FKBP1A: variants seen among roughly 807,000 people sequenced by gnomAD.
The protein encoded by FKBP1A is peptidyl-prolyl cis-trans isomerase FKBP1A.
In FKBP1A, 5 loss-of-function variants were observed where a neutral mutation model predicts 14.2. The observed-to-expected ratio is 0.35, with a 90% CI of 0.18 to 0.74. The LOEUF (loss-of-function observed/expected upper bound fraction) is 0.74, where lower values mean the gene tolerates loss of function less well. Among genes scored for constraint, FKBP1A ranks in the 30% least tolerant of loss-of-function variants. FKBP1A has a pLI of 0.56. For missense variants in FKBP1A, 53 were observed against 138.8 expected (o/e 0.38, Z 3.10); for synonymous variants, 42 against 49.1 (o/e 0.86, Z 0.60).
chr20:1,372,959 A>T (rs1210739642), intron 3 of FKBP1A: 1 of 152,280 alleles, frequency 6.6e-6, no homozygotes, highest in South Asian at 2.1e-4. Flanking sequence ...AAATACACAA[A>T]TAAGTATAAA....
chr20:1,391,716 C>A, intron 2 of FKBP1A: 1 of 398,526 alleles, frequency 2.5e-6, no homozygotes, highest in South Asian at 1.3e-4. Context: ...CAGAACTGCC[C>A]ACAGCCTACT....
chr20:1,378,594 G>A (rs395071), intron 2 of FKBP1A: 118,087 of 151,974 alleles, frequency 0.78, 46,121 homozygotes, highest in African/African-American at 0.85. Flanking sequence ...ATTCTAGTGG[G>A]GGGTGTTGAT....
At chr20:1,373,188 T>C (rs1319553499) in intron 3 of FKBP1A, 1 of 152,234 alleles carries the variant, frequency 6.6e-6, no homozygotes, top group Admixed American at 6.5e-5. Context: ...GGTATGGCTT[T>C]ACCTTGTACA....
chr20:1,374,295 A>G (rs2089508426), intron 3 of FKBP1A, among the ~76,000 whole-genome samples: 1 of 152,202 alleles, frequency 6.6e-6, no homozygotes. Context: ...TCTCCTGGGA[A>G]TTTTGTAGTG....
intron 2 of FKBP1A, among the ~76,000 whole-genome samples, chr20:1,383,748 G>A (rs1234265832): frequency 3.7e-5 from 5 of 133,334 alleles, no homozygotes; most frequent in Non-Finnish European, 7.9e-5. Flanking sequence ...TCAAGTGGGA[G>A]ATCACTTGAG....
chr20:1,376,892 A>G (rs1449779441), intron 2 of FKBP1A: 4 of 152,168 alleles, frequency 2.6e-5, no homozygotes, highest in African/African-American at 4.8e-5. Flanking sequence ...TCTGCAATAG[A>G]TATCTGCAAC....
At chr20:1,383,445 G>T (rs2089637511) in intron 2 of FKBP1A, among the ~76,000 whole-genome samples, 1 of 151,938 alleles carries the variant, frequency 6.6e-6, no homozygotes, top group East Asian at 1.9e-4. Flanking sequence ...TAAAGTCCTT[G>T]CCATTTACAG....
intron 2 of FKBP1A, among the ~76,000 whole-genome samples, chr20:1,391,377 T>G (rs2089734178): frequency 6.6e-6 from 1 of 152,200 alleles, no homozygotes; most frequent in Admixed American, 6.5e-5. Flanking sequence ...CAGGCTCAGG[T>G]GCTGACTGTG....
chr20:1,392,475 TG>T (rs1344761791), intron 2 of FKBP1A, among the ~76,000 whole-genome samples: 2 of 152,178 alleles, frequency 1.3e-5, no homozygotes, highest in Non-Finnish European at 2.9e-5. Flanking sequence ...TGCCCATTCC[TG>T]AAAGTGTGAC....
At chr20:1,375,950 A>G (rs1303443206) in intron 2 of FKBP1A, among the ~76,000 whole-genome samples, 2 of 152,186 alleles carry the variant, frequency 1.3e-5, no homozygotes, top group Non-Finnish European at 2.9e-5. Context: ...GCTAAAAATA[A>G]CTGTGGTCCC....
chr20:1,375,512 G>A lies in FKBP1A; in HGVS notation c.177C>T (p.Gly59=). The stretch of plus-strand genomic sequence containing the variant: ...ATACCTGGGCAACCCCTTCTTCCCA[G>A]CCTCGGATCACCTCCTGCTTGCCTA... The part of the protein sequence containing the change: ...FMLGKQEVIR[G]WEEGVAQMSV... The change falls in exon 3 of 5, where the codon GGC becomes GGT. Residue 59 remains glycine, a synonymous_variant. Transcript: ENST00000400137. The A allele has an allele frequency of 6.2e-7, 1 of 1,613,434 alleles. No homozygotes were observed. The highest frequency in any genetic ancestry group is 8.5e-7 in the Non-Finnish European group (1 of 1,179,432).
At chr20:1,384,056 C>CA (rs2089645606) in intron 2 of FKBP1A, among the ~76,000 whole-genome samples, 1 of 152,272 alleles carries the variant, frequency 6.6e-6, no homozygotes, top group East Asian at 1.9e-4. Flanking sequence ...TCATAAAACT[C>CA]ACAGCCTTCG....
chr20:1,389,882 A>G (rs1470362973), intron 2 of FKBP1A, among the ~76,000 whole-genome samples: 1 of 152,036 alleles, frequency 6.6e-6, no homozygotes, highest in Non-Finnish European at 1.5e-5. Context: ...TTACCTTTCC[A>G]CCACCTCCCT....
At chr20:1,370,376 G>A in intron 4 of FKBP1A, 2 of 985,364 alleles carry the variant, frequency 2.0e-6, no homozygotes, top group Non-Finnish European at 2.4e-6. Flanking sequence ...CACTATCATT[G>A]GGTCTCAAAC....
At chr20:1,380,392 G>A (rs920211166) in intron 2 of FKBP1A, among the ~76,000 whole-genome samples, 1 of 152,080 alleles carries the variant, frequency 6.6e-6, no homozygotes, top group Non-Finnish European at 1.5e-5. Context: ...ACTATTCAAG[G>A]CCAGGAAAAG....
chr20:1,384,941 C>G (rs567512202), intron 2 of FKBP1A, among the ~76,000 whole-genome samples: 26 of 152,286 alleles, frequency 1.7e-4, no homozygotes, highest in Non-Finnish European at 3.1e-4. Flanking sequence ...AAAGGCAGGG[C>G]CCATGATGGG....
intron 4 of FKBP1A, chr20:1,370,753 T>G (rs544371451): frequency 1.0e-6 from 1 of 985,328 alleles, no homozygotes; most frequent in East Asian, 1.1e-4. Context: ...CCTCATCAAG[T>G]TTACAGAAAG....
chr20:1,373,107 G>C (rs2089490865), intron 3 of FKBP1A: 1 of 152,244 alleles, frequency 6.6e-6, no homozygotes, highest in Admixed American at 6.5e-5. Context: ...GAAGCTCCAG[G>C]CTGTGAAGCG....
chr20:1,378,054 T>C (rs1035224497), intron 2 of FKBP1A: 1 of 152,166 alleles, frequency 6.6e-6, no homozygotes, highest in Non-Finnish European at 1.5e-5. Context: ...ACGGGTCAGT[T>C]TGGGCACTAC....
Sources: gnomAD v4.1 joint callset for allele counts (sites outside exome capture counted in the v4.1 genomes callset) on GRCh38, gnomAD v4.1.1 for gene constraint, MANE v1.5 for transcripts, NCBI Gene and HGNC (gene_info 2026-07-23, HGNC 2026-07-21) for gene names.